CACNA1C: variants seen among roughly 807,000 people sequenced by gnomAD.
CACNA1C encodes the protein calcium voltage-gated channel subunit alpha1 C, also known as voltage-dependent L-type calcium channel subunit alpha-1C.
A neutral mutation model predicts 229.0 loss-of-function variants in CACNA1C; 30 were observed. The observed-to-expected ratio is 0.13, with a 90% confidence interval of 0.10 to 0.18. CACNA1C has a LOEUF of 0.18. Among genes scored for constraint, CACNA1C ranks in the 10% least tolerant of loss-of-function variants. The pLI, the probability that CACNA1C is intolerant of heterozygous loss-of-function variation, is 1.00. For synonymous variants in CACNA1C, 1,114 were observed against 1,132.5 expected, an observed-to-expected ratio of 0.98 and a Z score of 0.33; for missense variants, 1,658 against 2,845.0, an observed-to-expected ratio of 0.58 and a Z score of 9.49.
chr12:2,433,067 C>T (rs932301751), intron 3 of CACNA1C, among the ~76,000 whole-genome samples: 6 of 152,198 alleles, frequency 3.9e-5, no homozygotes, highest in South Asian at 4.1e-4. Context: ...CTGTTCCACG[C>T]GTTTGACGTG....
chr12:2,106,638 C>T (rs865903140), intron 1 of CACNA1C, among the ~76,000 whole-genome samples: 116 of 48,508 alleles, frequency 2.4e-3, no homozygotes, highest in East Asian at 3.7e-3. Context: ...AGCCACTGGG[C>T]GCCCACCCCG....
intron 1 of CACNA1C, among the ~76,000 whole-genome samples, chr12:2,032,485 T>A (rs73044413): frequency 0.046 from 6,973 of 152,274 alleles, 238 homozygotes; most frequent in Middle Eastern, 0.071. Flanking sequence ...GTTAAGACAG[T>A]TGATGTTTCA....
Position 2,191,752 on chromosome 12 carries a change from TCA to T in CACNA1C, c.477+71329_477+71330del, listed in dbSNP as rs555307306. 6.5e-3 allele frequency among the ~76,000 whole-genome samples: 730 copies of T among 112,264 alleles called. 4 individuals are homozygous for T. Among genetic ancestry groups the T allele is most frequent in the Non-Finnish European group, 0.01 (554 of 53,312 alleles). 73.6% of individuals were successfully genotyped at this position (112,264 alleles called of 152,430 possible). The stretch of plus-strand genomic sequence containing the variant: ...CGTACACACAGGCACACACATGCAC[TCA>T]CACACAGGCACACCTCCACAGGCAC... On this transcript the variant is annotated intron_variant, in intron 3 of 46. Transcript: ENST00000399655.
chr12:2,149,427 C>G (rs1299215943), intron 3 of CACNA1C, among the ~76,000 whole-genome samples: 1 of 152,156 alleles, frequency 6.6e-6, no homozygotes, highest in Non-Finnish European at 1.5e-5. Context: ...ATTTCGATTG[C>G]AAGACATATC....
intron 8 of CACNA1C, among the ~76,000 whole-genome samples, chr12:2,511,985 C>T (rs535241828): frequency 1.5e-4 from 23 of 152,194 alleles, no homozygotes; most frequent in African/African-American, 5.3e-4. Flanking sequence ...AAAAGGGCAG[C>T]CCCCAGGACA....
intron 9 of CACNA1C, among the ~76,000 whole-genome samples, chr12:2,528,325 G>A (rs2099829823): frequency 6.6e-6 from 1 of 152,298 alleles, no homozygotes; most frequent in Middle Eastern, 3.4e-3. Context: ...GTTGACACAC[G>A]TTAGCTTTAG....
intron 21 of CACNA1C, among the ~76,000 whole-genome samples, chr12:2,598,233 A>ACCCAGCC (rs1396936812): frequency 1.4e-4 from 22 of 152,216 alleles, no homozygotes; most frequent in African/African-American, 3.4e-4. Flanking sequence ...GAACCTGAGC[A>ACCCAGCC]CCCAGCCCCC....
chr12:2,502,247 A>G (rs915249964), intron 7 of CACNA1C, among the ~76,000 whole-genome samples: 2 of 152,204 alleles, frequency 1.3e-5, no homozygotes, highest in Admixed American at 1.3e-4. Context: ...CCTAGCACAT[A>G]TCAGGTTCAC....
chr12:2,389,289 G>A (rs1385738443), intron 3 of CACNA1C, among the ~76,000 whole-genome samples: 1 of 151,108 alleles, frequency 6.6e-6, no homozygotes, highest in African/African-American at 2.4e-5. Flanking sequence ...TGGCAAGCAT[G>A]CCAGAGGAGT....
chr12:2,445,551 G>C (rs1439530211), intron 3 of CACNA1C, among the ~76,000 whole-genome samples: 1 of 152,096 alleles, frequency 6.6e-6, no homozygotes, highest in African/African-American at 2.4e-5. Flanking sequence ...GGGAAAATTT[G>C]CCAAGGCCAA....
intron 3 of CACNA1C, among the ~76,000 whole-genome samples, chr12:2,286,093 G>GA (rs753915267): frequency 8.5e-5 from 13 of 152,220 alleles, no homozygotes; most frequent in Non-Finnish European, 1.6e-4. Flanking sequence ...ATGACTGCCA[G>GA]AGTTATTAGA....
intron 3 of CACNA1C, among the ~76,000 whole-genome samples, chr12:2,321,656 C>G (rs1179795177): frequency 2.0e-5 from 3 of 152,110 alleles, no homozygotes; most frequent in Non-Finnish European, 4.4e-5. Flanking sequence ...TCATATAGCA[C>G]TAGGTGCCAT....
At chr12:1,994,292 G>A (rs2040263838) in intron 1 of CACNA1C, among the ~76,000 whole-genome samples, 1 of 152,134 alleles carries the variant, frequency 6.6e-6, no homozygotes, top group Non-Finnish European at 1.5e-5. Flanking sequence ...AGGGTGCTAG[G>A]GCTGTTATTA....
At chr12:2,674,442 G>C in intron 38 of CACNA1C, 99 bp from the exon 39 acceptor site, 1 of 1,474,730 alleles carries the variant, frequency 6.8e-7, no homozygotes, top group African/African-American at 1.4e-5. Context: ...TCAGGGTTGC[G>C]TGGGGCAGAT....
At chr12:1,982,377 C>T (rs1271113094) in intron 1 of CACNA1C, among the ~76,000 whole-genome samples, 1 of 152,142 alleles carries the variant, frequency 6.6e-6, no homozygotes, top group Non-Finnish European at 1.5e-5. Flanking sequence ...TAACTCCCCA[C>T]TCTCCATTCC....
intron 3 of CACNA1C, among the ~76,000 whole-genome samples, chr12:2,323,069 C>G (rs576144539): frequency 6.6e-6 from 1 of 152,210 alleles, no homozygotes; most frequent in South Asian, 2.1e-4. Flanking sequence ...ATCCTCAAGC[C>G]CTATGCTCTT....
At chr12:2,428,443 G>A (rs994897699) in intron 3 of CACNA1C, among the ~76,000 whole-genome samples, 13 of 152,194 alleles carry the variant, frequency 8.5e-5, no homozygotes, top group Non-Finnish European at 1.6e-4. Context: ...TCACTCACCT[G>A]GTATTTAGTT....
intron 1 of CACNA1C, among the ~76,000 whole-genome samples, chr12:1,997,776 G>C (rs961685386): frequency 5.9e-5 from 9 of 152,144 alleles, no homozygotes; most frequent in African/African-American, 2.2e-4. Flanking sequence ...ACATTATTTG[G>C]TATTCCCTTC....
Position 2,486,318 on chromosome 12 carries a change from C to T in CACNA1C, c.916+56C>T. ...GCCCTGCCCTCTATCGCTCCCAGCA[C>T]CTTTCCCGCTGCTGGCTACACCAAC... On this transcript the variant is annotated intron_variant, in intron 6 of 46. Transcript: ENST00000399655. The surrounding 1 kb of genome is among the most constrained non-coding windows in gnomAD (Gnocchi z 4.9). 6.8e-7 allele frequency: 1 copy of T among 1,466,216 alleles called. No individual in the cohort carries two copies. Among genetic ancestry groups the T allele is most frequent in the Non-Finnish European group, 9.4e-7 (1 of 1,066,730 alleles). 90.8% of individuals were successfully genotyped at this position (1,466,216 alleles called of 1,614,324 possible).
Sources: allele counts gnomAD v4.1 joint callset (sites outside exome capture counted in the v4.1 genomes callset), GRCh38; gene constraint gnomAD v4.1.1; non-coding constraint Gnocchi (gnomAD v3.1); transcripts MANE v1.5; gene names NCBI Gene and HGNC (gene_info 2026-07-23, HGNC 2026-07-21).